KNDC1: variants seen among roughly 807,000 people sequenced by gnomAD.
The protein encoded by KNDC1 is kinase non-catalytic C-lobe domain-containing protein 1.
Under a neutral mutation model 172.8 loss-of-function variants are expected in KNDC1, and 106 were observed. That is an observed-to-expected ratio of 0.61 (90% CI 0.52 to 0.72). The LOEUF is 0.72. Among genes scored for constraint, KNDC1 ranks in the 30% least tolerant of loss-of-function variants. The pLI is 0.00. For synonymous variants in KNDC1, 1,083 were observed against 1,062.2 expected (o/e 1.02, Z -0.38); for missense variants, 2,325 against 2,394.5 (o/e 0.97, Z 0.61).
In KNDC1 at chr10:133,183,382, C is replaced by T. The variant is rs774892071; in HGVS notation, c.399C>T (p.Ala133=). 1.1e-5 allele frequency: 17 copies of T among 1,597,324 alleles called. No individual in the cohort carries two copies. The South Asian group carries it at 1.6e-4, about 15-fold the overall frequency. ...IYSLGATLKA[A]LEYVAEPTLE... ...CTCTGGGGGCCACGCTGAAGGCCGCCCTCGAGTACGTGGCAGAGCCCACAC... is the reference window on the plus strand; with the variant it reads ...CTCTGGGGGCCACGCTGAAGGCCGCTCTCGAGTACGTGGCAGAGCCCACAC... The change falls in exon 4 of 30, where the codon GCC becomes GCT. Residue 133 remains alanine, a synonymous_variant. Transcript: ENST00000304613.
intron 11 of KNDC1, among the ~76,000 whole-genome samples, 155 bp from the exon 12 acceptor site, chr10:133,197,520 C>T (rs370110398): frequency 2.0e-4 from 31 of 152,350 alleles, no homozygotes; most frequent in African/African-American, 7.5e-4. Context: ...CAGGCAGAGC[C>T]GCTGCAGAGC....
chr10:133,212,598 C>T, intron 23 of KNDC1, 118 bp from the exon 24 acceptor site: 1 of 795,530 alleles, frequency 1.3e-6, no homozygotes, highest in East Asian at 2.7e-5. Context: ...CTGGGCCAGT[C>T]TGAGGAGTAC....
chr10:133,183,825 A>G (rs762677412), intron 4 of KNDC1, 47 bp from the exon 5 acceptor site: 8 of 1,418,996 alleles, frequency 5.6e-6, no homozygotes, highest in Non-Finnish European at 6.7e-6. Flanking sequence ...GCTGCGGGAG[A>G]TGGCCCCTCC....
chr10:133,197,555 G>A (rs992543090), intron 11 of KNDC1, 120 bp from the exon 12 acceptor site: 9 of 786,520 alleles, frequency 1.1e-5, no homozygotes, highest in South Asian at 2.9e-5. Flanking sequence ...CGCCATGCCC[G>A]GCTCCTCCCC....
Position 133,207,199 on chromosome 10 carries a change from G to T in KNDC1, c.3642G>T (p.Ala1214=). Residue 1214 remains alanine (A), a synonymous_variant, in exon 20 of 30, where the codon GCG becomes GCT. Transcript: ENST00000304613. ...CCCTCCCAGTGATCGTGAACATCGC[G>T]GCCGCACCCTGCGACACGCTGGACT... ...PCTLPVIVNI[A]AAPCDTLDFS... 2 of 1,611,542 alleles carry T rather than the reference G, an allele frequency of 1.2e-6. No homozygotes were observed. The highest frequency in any genetic ancestry group is 8.5e-7 in the Non-Finnish European group (1 of 1,179,620).
intron 17 of KNDC1, 120 bp from the exon 18 acceptor site, chr10:133,206,565 A>C (rs1845199638): frequency 3.6e-6 from 3 of 829,216 alleles, no homozygotes; most frequent in Non-Finnish European, 6.1e-6. Flanking sequence ...TCTCCATGGG[A>C]CCCTGCCCTG....
At chr10:133,172,037 A>G (rs1324845832) in intron 3 of KNDC1, among the ~76,000 whole-genome samples, 1 of 152,244 alleles carries the variant, frequency 6.6e-6, no homozygotes, top group Non-Finnish European at 1.5e-5. Flanking sequence ...TGACAAAGAA[A>G]CAAGTGTTGG....
Position 133,207,418 on chromosome 10 carries a change from A to G in KNDC1, c.3794+67A>G, listed in dbSNP as rs117752513. The G allele has an allele frequency of 2.7e-3, 3,858 of 1,432,334 alleles. 84 individuals carry two copies. The East Asian group carries it at 0.04, about 15-fold the overall frequency. The allele number at this position is 1,432,334 out of a possible 1,614,324, so 88.7% of individuals were successfully genotyped here. On this transcript the variant is annotated intron_variant, in intron 20 of 29. Coordinates refer to ENST00000304613, the MANE Select transcript of KNDC1 (RefSeq NM_152643.8). ...CCGGGGTGCTGAGAAGAGGGGGGGA[A>G]CGTGCCCTCGCCAGTCAGCTAGGCT...
rs113746324 is a variant in KNDC1 at position 133,201,615 on chromosome 10, G to A, written c.3104G>A (p.Arg1035Gln). Residue 1035 changes from arginine to glutamine, a missense_variant, in exon 17 of 30, where the codon CGG becomes CAG. Arg to Gln is a conservative substitution (Grantham distance 43). Coordinates refer to ENST00000304613, the MANE Select transcript of KNDC1 (RefSeq NM_152643.8). Reference sequence around the variant, plus strand: ...CGGGGAAACTTCGAGGTGGGGTTTCGGCCTCAGAGGTCCGTAAAAGCCGAG... The same window carrying A: ...CGGGGAAACTTCGAGGTGGGGTTTCAGCCTCAGAGGTCCGTAAAAGCCGAG... ...LSRGNFEVGF[R>Q]PQRSVKAERA... is the part of the protein sequence containing the mutation. 4.8e-5 allele frequency: 77 copies of A among 1,613,006 alleles called. No homozygotes were observed. Among genetic ancestry groups the A allele is most frequent in the Non-Finnish European group, 6.2e-5 (73 of 1,179,990 alleles).
chr10:133,197,001 G>A, intron 10 of KNDC1, 57 bp from the exon 11 acceptor site: 2 of 1,385,124 alleles, frequency 1.4e-6, no homozygotes, highest in South Asian at 1.2e-5. Context: ...GTGACACGGG[G>A]ACGGTGCAGC....
chr10:133,185,880 G>T (rs1261431663), intron 5 of KNDC1, 94 bp from the exon 6 acceptor site: 11 of 615,450 alleles, frequency 1.8e-5, no homozygotes, highest in Non-Finnish European at 2.9e-5. Context: ...GGGGTGGGAG[G>T]AGAGGGGAGG....
chr10:133,218,597 G>A (rs1369109857), intron 26 of KNDC1, among the ~76,000 whole-genome samples: 1 of 152,176 alleles, frequency 6.6e-6, no homozygotes, highest in East Asian at 1.9e-4. Context: ...GTCTTTCCGC[G>A]TATCAGGCTT....
chr10:133,181,624 T>C (rs2135969148), intron 3 of KNDC1, among the ~76,000 whole-genome samples: 1 of 152,004 alleles, frequency 6.6e-6, no homozygotes, highest in East Asian at 1.9e-4. Flanking sequence ...GAAACCAGCC[T>C]GCGGGGGAGG....
rs771852065 is a variant in KNDC1 at position 133,198,763 on chromosome 10, G to A, written c.2255G>A (p.Arg752His). ...APEPLGASVQ[R>H]DSAQGRPCPP... ...GAGCCTCTTGGGGCGTCAGTGCAGC[G>A]TGACTCAGCCCAGGGCCGCCCCTGC... Residue 752 changes from arginine (R) to histidine (H), a missense_variant, in exon 14 of 30, where the codon CGT (arginine) becomes CAT (histidine). Coordinates refer to ENST00000304613, the MANE Select transcript of KNDC1 (RefSeq NM_152643.8). 27 of 1,587,074 alleles carry A rather than the reference G, an allele frequency of 1.7e-5. No individual in the cohort carries two copies. The highest frequency in any genetic ancestry group is 6.9e-5 in the East Asian group (3 of 43,338).
Position 133,206,835 on chromosome 10 carries a change from C to T in KNDC1, c.3482-21C>T, listed in dbSNP as rs535615856. The T allele has an allele frequency of 3.7e-6, 6 of 1,613,238 alleles. No homozygotes were observed. In the African/African-American group the frequency reaches 5.3e-5, roughly 14 times the overall value. ...CTGGCTGCAGGCAGCCCGGCCCCCA[C>T]CCACTCTGCTCCACCCACAGGTTCC... On this transcript the variant is annotated intron_variant, in intron 18 of 29. Coordinates refer to ENST00000304613, the MANE Select transcript of KNDC1 (RefSeq NM_152643.8).
At chr10:133,182,339 C>T (rs115335947) in intron 3 of KNDC1, among the ~76,000 whole-genome samples, 8,629 of 152,036 alleles carry the variant, frequency 0.057, 775 homozygotes, top group African/African-American at 0.19. Context: ...GACGCAGGTG[C>T]ATGTCCACTC....
intron 17 of KNDC1, among the ~76,000 whole-genome samples, chr10:133,205,775 C>A (rs991340165): frequency 3.9e-5 from 6 of 152,138 alleles, no homozygotes; most frequent in African/African-American, 1.4e-4. Context: ...TTGGAGGTTG[C>A]AGTGAGTTGT....
chr10:133,212,977 C>T, intron 24 of KNDC1, 55 bp downstream of exon 24: 2 of 1,485,436 alleles, frequency 1.3e-6, no homozygotes, highest in South Asian at 1.2e-5. Context: ...GCCCCAGAAA[C>T]ACTCCGCGCC....
intron 26 of KNDC1, among the ~76,000 whole-genome samples, chr10:133,217,101 A>G (rs1845482312): frequency 6.6e-6 from 1 of 152,278 alleles, no homozygotes; most frequent in East Asian, 1.9e-4. Flanking sequence ...CATGCTGCAC[A>G]GTGTGGATGT....
Sources: allele counts gnomAD v4.1 joint callset (sites outside exome capture counted in the v4.1 genomes callset), GRCh38; gene constraint gnomAD v4.1.1; transcripts MANE v1.5; gene names NCBI Gene and HGNC (gene_info 2026-07-23, HGNC 2026-07-21).